DGKB: variants seen among roughly 807,000 people sequenced by gnomAD.
DGKB encodes the protein 90 kDa diacylglycerol kinase.
Under a neutral mutation model 114.3 loss-of-function variants are expected in DGKB, and 67 were observed. That is an observed-to-expected ratio of 0.59 (90% confidence interval 0.48 to 0.72). The LOEUF (loss-of-function observed/expected upper bound fraction) is 0.72, where lower values mean the gene tolerates loss of function less well. Among genes scored for constraint, DGKB ranks in the 30% least tolerant of loss-of-function variants. DGKB has a pLI of 0.00. For missense variants in DGKB, 907 were observed against 975.2 expected (o/e 0.93, Z 0.93); for synonymous variants, 398 against 323.1 (o/e 1.23, Z -2.49).
rs370339041 is a variant in DGKB, at chr7:14,868,179, T to C, written c.-187-26729A>G. ...AGGGTCAGTCTTTCACTGACAATAA[T>C]GTGAATTTTGTGGATGCTTTTGTGG... On this transcript the variant is annotated intron_variant, in intron 1 of 25. Coordinates refer to ENST00000402815, the MANE Select transcript of DGKB (RefSeq NM_001350709.2). Among the ~76,000 whole-genome samples the C allele has an allele frequency of 7.9e-3, 1,199 of 152,224 alleles. 14 individuals carry two copies. The highest frequency in any genetic ancestry group is 0.028 in the African/African-American group (1,152 of 41,542).
chr7:14,700,205 A>G (rs1386105168), intron 7 of DGKB, among the ~76,000 whole-genome samples: 1 of 139,154 alleles, frequency 7.2e-6, no homozygotes, highest in African/African-American at 2.7e-5. Context: ...ATAGCATTTG[A>G]AAAAAAATTT....
At chr7:14,802,943 CAATTAAAAAT>C (rs144838676) in intron 2 of DGKB, among the ~76,000 whole-genome samples, 10,039 of 151,992 alleles carry the variant, frequency 0.066, 477 homozygotes, top group African/African-American at 0.12. Context: ...CTCACTCATA[CAATTAAAAAT>C]AATTAAAAAA....
chr7:14,767,949 C>A (rs1278875473), intron 2 of DGKB, among the ~76,000 whole-genome samples: 2 of 151,860 alleles, frequency 1.3e-5, no homozygotes, highest in East Asian at 3.9e-4. Context: ...TAATAACATC[C>A]TGTTTTAAGA....
chr7:14,551,253 G>A (rs1584755639), intron 20 of DGKB, among the ~76,000 whole-genome samples: 1 of 152,136 alleles, frequency 6.6e-6, no homozygotes. Flanking sequence ...ACTTGTCTTT[G>A]TCAGATTTCT....
rs950702416 is a variant in DGKB at position 14,718,745 on chromosome 7, C to T, written c.323-60G>A. The T allele has an allele frequency of 1.4e-5, 18 of 1,289,450 alleles. No homozygotes were observed. In the Admixed American group the frequency reaches 4.1e-4, roughly 29 times the overall value. 79.9% of individuals were successfully genotyped at this position (1,289,450 alleles called of 1,614,324 possible). ...ATTTACAGTGATCTCAAACAGAAAACAAATTAAGAAAATAGAGAACACACA... is the reference window on the plus strand; with the variant it reads ...ATTTACAGTGATCTCAAACAGAAAATAAATTAAGAAAATAGAGAACACACA... On this transcript the variant is annotated intron_variant, in intron 5 of 25. Transcript: ENST00000402815.
intron 1 of DGKB, among the ~76,000 whole-genome samples, chr7:14,954,611 G>A (rs151127873): frequency 2.6e-5 from 4 of 152,056 alleles, no homozygotes; most frequent in African/African-American, 9.6e-5. Flanking sequence ...TTTTTGGGGG[G>A]AGGGGGTTAC....
At chr7:14,639,670 G>T (rs910715994) in intron 13 of DGKB, among the ~76,000 whole-genome samples, 1 of 152,192 alleles carries the variant, frequency 6.6e-6, no homozygotes, top group Admixed American at 6.5e-5. Flanking sequence ...ACGGGCCAAG[G>T]CTAAACTATC....
intron 5 of DGKB, among the ~76,000 whole-genome samples, chr7:14,728,054 A>G (rs1830281933): frequency 6.6e-6 from 1 of 152,198 alleles, no homozygotes; most frequent in Admixed American, 6.5e-5. Context: ...CGTGACTCAA[A>G]TGCACAGAAA....
At chr7:14,379,386 A>G (rs909941515) in intron 21 of DGKB, among the ~76,000 whole-genome samples, 4 of 151,720 alleles carry the variant, frequency 2.6e-5, no homozygotes, top group Middle Eastern at 3.2e-3. Context: ...AGGCGACTCA[A>G]AGAAATTATG....
At chr7:14,679,733 TA>T (rs1288057483) in intron 12 of DGKB, among the ~76,000 whole-genome samples, 1 of 151,986 alleles carries the variant, frequency 6.6e-6, no homozygotes, top group African/African-American at 2.4e-5. Flanking sequence ...TTCAGTTGTT[TA>T]AAGGCAAGCA....
At chr7:14,939,858 C>G (rs981093273) in intron 1 of DGKB, among the ~76,000 whole-genome samples, 12 of 152,120 alleles carry the variant, frequency 7.9e-5, no homozygotes, top group Middle Eastern at 3.4e-3. Context: ...CGTGATCCAC[C>G]CGCCTCGGCC....
At chr7:14,454,452 A>G (rs1323109402) in intron 21 of DGKB, among the ~76,000 whole-genome samples, 1 of 152,130 alleles carries the variant, frequency 6.6e-6, no homozygotes, top group Non-Finnish European at 1.5e-5. Flanking sequence ...CAATAGTTGC[A>G]GTAACTCTGT....
At chr7:14,374,148 C>G (rs953119873) in intron 21 of DGKB, among the ~76,000 whole-genome samples, 1 of 152,260 alleles carries the variant, frequency 6.6e-6, no homozygotes, top group South Asian at 2.1e-4. Flanking sequence ...ATCCCCTACT[C>G]TACTATCAAT....
chr7:14,338,714 A>T lies in DGKB; in HGVS notation c.1927-4T>A. On this transcript the variant is annotated splice_polypyrimidine_tract_variant and splice_region_variant and intron_variant, in intron 22 of 25. Transcript: ENST00000402815. ...AATCTATCTGTACTCCATCACACTGATCGGTAAAAAGAAAGAAACAGAAAC... is the reference window on the plus strand; with the variant it reads ...AATCTATCTGTACTCCATCACACTGTTCGGTAAAAAGAAAGAAACAGAAAC... The T allele has an allele frequency of 7.0e-7, 1 of 1,428,490 alleles. No homozygotes were observed. The allele number at this position is 1,428,490 out of a possible 1,614,324, so 88.5% of individuals were successfully genotyped here. A position where few individuals can be genotyped will look rare whatever the true frequency, so the allele number is the denominator to read the frequency against.
At chr7:14,154,180 T>G (rs1358228626) in intron 25 of DGKB, among the ~76,000 whole-genome samples, 1 of 112,760 alleles carries the variant, frequency 8.9e-6, no homozygotes, top group Non-Finnish European at 1.7e-5. Context: ...GTTTTGTCTT[T>G]TTTTTTTTTT....
At chr7:14,731,026 A>T (rs1830832184) in intron 5 of DGKB, among the ~76,000 whole-genome samples, 1 of 152,182 alleles carries the variant, frequency 6.6e-6, no homozygotes. Flanking sequence ...TTAAACTATG[A>T]CACTGGCAGA....
At position 14,146,704 on chromosome 7, in the gene DGKB, T is replaced by C. The variant is rs1781515637; in HGVS notation, c.*2427A>G. On this transcript the variant is annotated 3_prime_UTR_variant, in exon 26 of 26. Coordinates refer to ENST00000402815, the MANE Select transcript of DGKB (RefSeq NM_001350709.2). Reference sequence around the variant, plus strand: ...CAAGTACATCAGTGTATTTAGAAAATGAGTTGAGAAAAGTCAAATTGGATT... The same window carrying C: ...CAAGTACATCAGTGTATTTAGAAAACGAGTTGAGAAAAGTCAAATTGGATT... 1 of 152,000 alleles carries C rather than the reference T, an allele frequency of 6.6e-6. No homozygotes were observed. The highest frequency in any genetic ancestry group is 2.1e-4 in the South Asian group (1 of 4,826). 9.4% of individuals were successfully genotyped at this position (152,000 alleles called of 1,614,324 possible).
chr7:14,700,951 T>C (rs1052092821), intron 7 of DGKB, among the ~76,000 whole-genome samples: 7 of 152,268 alleles, frequency 4.6e-5, no homozygotes, highest in East Asian at 3.9e-4. Context: ...AGGTAGATTA[T>C]TGGATAGAAC....
At position 14,582,972 on chromosome 7, in the gene DGKB, C is replaced by T. The variant is rs1180901452; in HGVS notation, c.1519+80G>A. On this transcript the variant is annotated intron_variant, in intron 18 of 25. Transcript: ENST00000402815. ...ATCACTGCTTCCAAAGATAATGATACAAGCAATAGACACATAGATGAAACA... is the reference window on the plus strand; with the variant it reads ...ATCACTGCTTCCAAAGATAATGATATAAGCAATAGACACATAGATGAAACA... 5 of 902,782 alleles carry T rather than the reference C, an allele frequency of 5.5e-6. No individual in the cohort carries two copies. In the African/African-American group the frequency reaches 8.2e-5, roughly 15 times the overall value. The allele number at this position is 902,782 out of a possible 1,614,324, so 55.9% of individuals were successfully genotyped here.
Sources: gnomAD v4.1 joint callset for allele counts (sites outside exome capture counted in the v4.1 genomes callset) on GRCh38, gnomAD v4.1.1 for gene constraint, MANE v1.5 for transcripts, NCBI Gene and HGNC (gene_info 2026-07-23, HGNC 2026-07-21) for gene names.